GEMIN4: variants seen among roughly 807,000 people sequenced by gnomAD.
GEMIN4 encodes the protein gem-associated protein 4.
GEMIN4 carries 59 observed loss-of-function variants against 76.8 expected under a neutral mutation model. That is an observed-to-expected ratio of 0.77 (90% CI 0.62 to 0.95). The LOEUF (loss-of-function observed/expected upper bound fraction) is 0.95, where lower values mean the gene tolerates loss of function less well. Among genes scored for constraint, GEMIN4 ranks in the 40% least tolerant of loss-of-function variants. The pLI is 0.00. For synonymous variants in GEMIN4, 562 were observed against 559.7 expected (o/e 1.00, Z -0.06); for missense variants, 1,311 against 1,318.9 (o/e 0.99, Z 0.09).
rs117445569 is a variant in GEMIN4, at chr17:750,119, G to A, written c.10+2014C>T. The A allele has an allele frequency of 4.8e-3, 1,918 of 398,812 alleles. 9 individuals carry two copies. The highest frequency in any genetic ancestry group is 5.7e-3 in the Non-Finnish European group (1,686 of 293,602). The allele number at this position is 398,812 out of a possible 1,614,324, so 24.7% of individuals were successfully genotyped here. The stretch of plus-strand genomic sequence containing the variant: ...ACTTGTAATCCCAGCTACTTGGGGG[G>A]CTGAGGCAGGTGGATCCCTGAGGCC... On this transcript the variant is annotated intron_variant, in intron 1 of 1. Transcript: ENST00000319004.
rs34610323 is a variant in GEMIN4, at chr17:745,306, C to T, written c.2737G>A (p.Val913Ile). ...AACTGGAAAGTCCTCAGGAAGAGGA[C>T]GGAGAGTTGCAACTCCTGGGCAAAG... ...KPFAQELQLS[V>I]LFLRTFQFLC... The change falls in exon 2 of 2, where the codon GTC becomes ATC. Residue 913 changes from valine (V) to isoleucine (I), a missense_variant. Around this residue, in one of 2 missense-constraint regions of GEMIN4, gnomAD observed 1,208 missense variants for 1,166.9 expected, o/e 1.04. Coordinates refer to ENST00000319004, the MANE Select transcript of GEMIN4 (RefSeq NM_015721.3). The surrounding 1 kb of genome is among the most constrained non-coding windows in gnomAD (Gnocchi z 4.6). 3.3e-3 allele frequency: 5,325 copies of T among 1,612,406 alleles called. 152 individuals are homozygous for T. In the African/African-American group the frequency reaches 0.063, roughly 19 times the overall value.
At chr17:753,457 G>T (rs1399041220), upstream of GEMIN4, 2 of 162,650 alleles carry the variant, frequency 1.2e-5, no homozygotes, top group Non-Finnish European at 2.8e-5. Flanking sequence ...GACGCCATGA[G>T]GGGCTACGCG....
intron 1 of GEMIN4, among the ~76,000 whole-genome samples, chr17:749,515 A>G (rs1229717548): frequency 2.6e-4 from 34 of 132,804 alleles, no homozygotes; most frequent in South Asian, 1.0e-3. Flanking sequence ...GCAATCACAC[A>G]GCCACAGGAT....
rs749008464 is a variant in GEMIN4, at chr17:745,566, C to T, written c.2477G>A (p.Ser826Asn). 1.2e-6 allele frequency: 2 copies of T among 1,612,536 alleles called. No homozygotes were observed. Among genetic ancestry groups the T allele is most frequent in the Non-Finnish European group, 1.7e-6 (2 of 1,179,710 alleles). ...AGACAGCATCCTCTCCGAGATGCCGCTGGAGACGCAGCAGCACTCCATCCA... is the reference window on the plus strand; with the variant it reads ...AGACAGCATCCTCTCCGAGATGCCGTTGGAGACGCAGCAGCACTCCATCCA... ...LAWMECCCVS[S>N]GISERMLSLL... Residue 826 changes from serine to asparagine, a missense_variant, in exon 2 of 2, where the codon AGC (serine) becomes AAC (asparagine). This residue lies in a region of GEMIN4 where 1,208 missense variants were observed against 1,166.9 expected (regional missense o/e 1.04). Coordinates refer to ENST00000319004, the MANE Select transcript of GEMIN4 (RefSeq NM_015721.3). The surrounding 1 kb of genome is among the most constrained non-coding windows in gnomAD (Gnocchi z 4.6).
chr17:747,255 G>A lies in GEMIN4; in HGVS notation c.788C>T (p.Thr263Ile), dbSNP rs371143590. ...CGTGGCCAGTTTGTCCAGATACACG[G>A]TTGCAGACACCTCCTGGGGGTCGTC... ...TEDDPQEVSA[T>I]VYLDKLATVI... The change falls in exon 2 of 2, where the codon ACC (threonine) becomes ATC (isoleucine). Residue 263 changes from threonine to isoleucine, a missense_variant. Physicochemically the swap from Thr to Ile is moderately conservative, Grantham distance 89. Transcript: ENST00000319004. 5.7e-5 allele frequency: 92 copies of A among 1,613,680 alleles called. No homozygotes were observed. The highest frequency in any genetic ancestry group is 7.5e-5 in the Non-Finnish European group (89 of 1,179,876).
chr17:750,117 G>A, intron 1 of GEMIN4: 1 of 425,140 alleles, frequency 2.4e-6, no homozygotes, highest in Non-Finnish European at 3.1e-6. Flanking sequence ...GCTACTTGGG[G>A]GGCTGAGGCA....
In GEMIN4 at chr17:746,483, C is replaced by G. The variant is rs548164317; in HGVS notation, c.1560G>C (p.Glu520Asp). Reference protein sequence around the residue: ...GLSEKLLAYVEGFQEDLNTTF... With the variant: ...GLSEKLLAYVDGFQEDLNTTF... ...TTGTATTGAGGTCTTCCTGAAAACC[C>G]TCCACATAAGCCAGCAACTTTTCAG... is the stretch of plus-strand genomic sequence containing the variant. Residue 520 changes from glutamate (E) to aspartate (D), a missense_variant, in exon 2 of 2, where the codon GAG becomes GAC. By Grantham distance (45) the Glu-to-Asp change is conservative (BLOSUM62 2). Transcript: ENST00000319004. This position sits in a 1 kb window ranked among gnomAD's most constrained non-coding sequence, Gnocchi z 4.3. The G allele has an allele frequency of 2.4e-5, 38 of 1,614,000 alleles. No individual in the cohort carries two copies. The South Asian group carries it at 4.0e-4, about 17-fold the overall frequency.
rs138673289 is a variant in GEMIN4, at chr17:747,904, C to A, written c.139G>T (p.Val47Leu). 6.2e-7 allele frequency: 1 copy of A among 1,613,778 alleles called. No individual in the cohort carries two copies. Among genetic ancestry groups the A allele is most frequent in the African/African-American group, 1.3e-5 (1 of 74,882 alleles). The change falls in exon 2 of 2, where the codon GTG (valine) becomes TTG (leucine). Residue 47 changes from valine to leucine, a missense_variant. Val to Leu is a conservative substitution (Grantham distance 32). Transcript: ENST00000319004. ...GAGGAGATCTCCCTTAAGGCCTCCA[C>A]GATGGGCCGTCCAACACGTTCCCAG... ...SDWERVGRPIVEALREISSAA... is the reference protein window; with the variant it reads ...SDWERVGRPILEALREISSAA...
At chr17:754,303 A>C (rs1359748280), upstream of GEMIN4, 1 of 152,136 alleles carries the variant, frequency 6.6e-6, no homozygotes, top group East Asian at 1.9e-4. Flanking sequence ...ACCATTGTGC[A>C]TGGCGGCTGG....
Position 746,892 on chromosome 17 carries a change from C to G in GEMIN4, c.1151G>C (p.Arg384Thr). The G allele has an allele frequency of 6.2e-7, 1 of 1,613,806 alleles. No individual in the cohort carries two copies. The highest frequency in any genetic ancestry group is 2.2e-5 in the East Asian group (1 of 44,892). Residue 384 changes from arginine to threonine, a missense_variant, in exon 2 of 2, where the codon AGG becomes ACG. Physicochemically the swap from Arg to Thr is moderately conservative, Grantham distance 71 (BLOSUM62 -1). Coordinates refer to ENST00000319004, the MANE Select transcript of GEMIN4 (RefSeq NM_015721.3). This position sits in a 1 kb window ranked among gnomAD's most constrained non-coding sequence, Gnocchi z 4.3. The part of the protein sequence containing the change: ...QVVSELAECV[R>T]DFLRKTSTVL... ...CGTGCTCGTTTTCCTCAGGAAGTCC[C>G]TGACACACTCCGCCAGCTCAGAGAC...
At chr17:750,765 A>T (rs1167635786) in intron 1 of GEMIN4, among the ~76,000 whole-genome samples, 1 of 152,122 alleles carries the variant, frequency 6.6e-6, no homozygotes, top group Admixed American at 6.5e-5. Flanking sequence ...CCCACCATTT[A>T]TGGGAGCGGC....
chr17:747,054 T>C lies in GEMIN4; in HGVS notation c.989A>G (p.Glu330Gly), dbSNP rs771190382. 2 of 1,613,150 alleles carry C rather than the reference T, an allele frequency of 1.2e-6. No individual in the cohort carries two copies. The highest frequency in any genetic ancestry group is 2.2e-5 in the South Asian group (2 of 91,058). Residue 330 changes from glutamate (E) to glycine (G), a missense_variant, in exon 2 of 2, where the codon GAG (glutamate) becomes GGG (glycine). By Grantham distance (98) the Glu-to-Gly change is moderately conservative. Around this residue, in one of 2 missense-constraint regions of GEMIN4, gnomAD observed 1,208 missense variants for 1,166.9 expected, o/e 1.04. Coordinates refer to ENST00000319004, the MANE Select transcript of GEMIN4 (RefSeq NM_015721.3). ...LHHLLREWGE[E>G]LQAVLRSSQG... ...GCTGCTGCGGAGCACGGCCTGCAAC[T>C]CCTCCCCCCACTCCCGCAGCAGGTG...
Position 747,418 on chromosome 17 carries a change from C to A in GEMIN4, c.625G>T (p.Ala209Ser). Reference sequence around the variant, plus strand: ...GCCAACAGGGGCATGGTGGGGCACGCGTCTGGGTCTGACCTAAGCCTCTTT... The same window carrying A: ...GCCAACAGGGGCATGGTGGGGCACGAGTCTGGGTCTGACCTAAGCCTCTTT... ...PPKRLRSDPDACPTMPLLAML... is the reference protein window; with the variant it reads ...PPKRLRSDPDSCPTMPLLAML... The change falls in exon 2 of 2, where the codon GCG (alanine) becomes TCG (serine). Residue 209 changes from alanine to serine, a missense_variant. Ala to Ser is a moderately conservative substitution (Grantham distance 99, BLOSUM62 1). Transcript: ENST00000319004. 6.2e-7 allele frequency: 1 copy of A among 1,613,812 alleles called. No homozygotes were observed. Among genetic ancestry groups the A allele is most frequent in the Non-Finnish European group, 8.5e-7 (1 of 1,179,862 alleles).
At position 746,150 on chromosome 17, in the gene GEMIN4, C is replaced by G. The variant is rs1974398905; in HGVS notation, c.1893G>C (p.Leu631=). 6.2e-7 allele frequency: 1 copy of G among 1,613,944 alleles called. No individual in the cohort carries two copies. Among genetic ancestry groups the G allele is most frequent in the Non-Finnish European group, 8.5e-7 (1 of 1,179,896 alleles). The part of the protein sequence containing the change: ...EKQFLELLNC[L]MSPVKPQGIP... ...TCCCTTGGGGTTTCACGGGACTCAT[C>G]AGGCAGTTCAGGAGCTCTAAAAATT... The change falls in exon 2 of 2, where the codon CTG becomes CTC. Residue 631 remains leucine, a synonymous_variant. Coordinates refer to ENST00000319004, the MANE Select transcript of GEMIN4 (RefSeq NM_015721.3). This position sits in a 1 kb window ranked among gnomAD's most constrained non-coding sequence, Gnocchi z 4.3.
chr17:753,136 G>T (rs1904848397), upstream of GEMIN4: 2 of 140,356 alleles, frequency 1.4e-5, no homozygotes, highest in South Asian at 2.3e-4. Flanking sequence ...AGAAGGAAGT[G>T]GGGGGCGTGG....
At chr17:750,858 G>C (rs1003432451) in intron 1 of GEMIN4, among the ~76,000 whole-genome samples, 14 of 152,194 alleles carry the variant, frequency 9.2e-5, no homozygotes, top group Non-Finnish European at 1.2e-4. Flanking sequence ...CGACTCCCAG[G>C]GAGGGTTACG....
chr17:752,101 G>A lies in GEMIN4; in HGVS notation c.10+32C>T, dbSNP rs1439445804. On this transcript the variant is annotated intron_variant, in intron 1 of 1. Transcript: ENST00000319004. ...CCGCTCTGGTGGCGCATTGCTGGACGCAGCCCGGGGCCGGGGAGCCGCGGC... is the reference window on the plus strand; with the variant it reads ...CCGCTCTGGTGGCGCATTGCTGGACACAGCCCGGGGCCGGGGAGCCGCGGC... 4.1e-6 allele frequency: 5 copies of A among 1,226,904 alleles called. No individual in the cohort carries two copies. The South Asian group carries it at 2.0e-4, about 50-fold the overall frequency. 76.0% of individuals were successfully genotyped at this position (1,226,904 alleles called of 1,614,324 possible).
In GEMIN4 at chr17:748,228, G is replaced by C. The variant is rs977271625; in HGVS notation, c.11-196C>G. On this transcript the variant is annotated intron_variant, in intron 1 of 1. Transcript: ENST00000319004. The stretch of plus-strand genomic sequence containing the variant: ...CCGAGGAATCCAGAATGGCTTCCGA[G>C]CTCTCCAGCCTGGGAACTGGGAGGC... 5.3e-6 allele frequency: 3 copies of C among 570,858 alleles called. No individual in the cohort carries two copies. The African/African-American group carries it at 5.6e-5, about 11-fold the overall frequency. 35.4% of individuals were successfully genotyped at this position (570,858 alleles called of 1,614,324 possible).
rs143008523 is a variant in GEMIN4, at chr17:746,304, T to G, written c.1739A>C (p.Gln580Pro). The G allele has an allele frequency of 7.5e-5, 121 of 1,613,682 alleles. No individual in the cohort carries two copies. Among genetic ancestry groups the G allele is most frequent in the Non-Finnish European group, 4.7e-5 (55 of 1,179,898 alleles). Residue 580 changes from glutamine (Q) to proline (P), a missense_variant, in exon 2 of 2, where the codon CAG (glutamine) becomes CCG (proline). Physicochemically the swap from Gln to Pro is moderately conservative, Grantham distance 76. Transcript: ENST00000319004. This position sits in a 1 kb window ranked among gnomAD's most constrained non-coding sequence, Gnocchi z 4.3. ...AAGGGCAGGGAAGGCAGTGAGAATC[T>G]GGGCCAGGAACTTGTGGGTGCCGAG... ...VNLGTHKFLAQILTAFPALRF... is the reference protein window; with the variant it reads ...VNLGTHKFLAPILTAFPALRF...
Sources: gnomAD v4.1 joint callset for allele counts (sites outside exome capture counted in the v4.1 genomes callset) on GRCh38, gnomAD v4.1.1 for gene constraint, gnomAD v4.1.1 regional missense constraint, Gnocchi (gnomAD v3.1) non-coding constraint, MANE v1.5 for transcripts, NCBI Gene and HGNC (gene_info 2026-07-23, HGNC 2026-07-21) for gene names.